Variants in PDE3A observed in about 807,000 individuals in gnomAD.
PDE3A encodes the protein cGMP-inhibited 3',5'-cyclic phosphodiesterase 3A.
PDE3A carries 43 observed loss-of-function variants against 98.3 expected under a neutral mutation model. The observed-to-expected ratio is 0.44, with a 90% CI of 0.34 to 0.56. The LOEUF (loss-of-function observed/expected upper bound fraction) is 0.56, where lower values mean the gene tolerates loss of function less well. Among genes scored for constraint, PDE3A ranks in the 20% least tolerant of loss-of-function variants. The pLI is 0.01. For synonymous variants in PDE3A, 663 were observed against 567.9 expected, an observed-to-expected ratio of 1.17 and a Z score of -2.38; for missense variants, 1,427 against 1,440.7, an observed-to-expected ratio of 0.99 and a Z score of 0.15.
intron 1 of PDE3A, among the ~76,000 whole-genome samples, chr12:20,530,625 G>A (rs751775738): frequency 4.0e-5 from 6 of 151,652 alleles, no homozygotes; most frequent in Non-Finnish European, 8.8e-5. Flanking sequence ...ATGCCATCAC[G>A]CCTAGCTTAA....
At chr12:20,398,638 T>C (rs1944065002) in intron 1 of PDE3A, among the ~76,000 whole-genome samples, 1 of 152,102 alleles carries the variant, frequency 6.6e-6, no homozygotes, top group African/African-American at 2.4e-5. Flanking sequence ...TGCAGGATGA[T>C]TCTGAAATAT....
intron 1 of PDE3A, among the ~76,000 whole-genome samples, chr12:20,540,336 A>C (rs2121216416): frequency 6.6e-6 from 1 of 152,292 alleles, no homozygotes; most frequent in South Asian, 2.1e-4. Flanking sequence ...TAGTTAGAAT[A>C]ACAATAGCTT....
intron 1 of PDE3A, among the ~76,000 whole-genome samples, chr12:20,549,868 A>C (rs537913569): frequency 2.8e-5 from 4 of 141,132 alleles, no homozygotes; most frequent in Admixed American, 2.7e-4. Context: ...TATGCTTTAA[A>C]AGAAAAAGTC....
intron 2 of PDE3A, among the ~76,000 whole-genome samples, chr12:20,576,194 G>A (rs1204218701): frequency 6.6e-6 from 1 of 151,836 alleles, no homozygotes; most frequent in Non-Finnish European, 1.5e-5. Flanking sequence ...TTATTAATTT[G>A]CATTTTTATT....
chr12:20,386,425 G>T (rs1369832700), intron 1 of PDE3A, among the ~76,000 whole-genome samples: 1 of 150,742 alleles, frequency 6.6e-6, no homozygotes, highest in African/African-American at 2.4e-5. Flanking sequence ...CCACATAAAT[G>T]TCTTCTTTTG....
At chr12:20,668,003 A>C (rs1945363711) in intron 15 of PDE3A, among the ~76,000 whole-genome samples, 1 of 152,278 alleles carries the variant, frequency 6.6e-6, no homozygotes, top group South Asian at 2.1e-4. Flanking sequence ...ACCGTGCGCG[A>C]GCCAAAGCAG....
chr12:20,391,774 C>G (rs994564508), intron 1 of PDE3A, among the ~76,000 whole-genome samples: 3 of 151,754 alleles, frequency 2.0e-5, no homozygotes, highest in Non-Finnish European at 4.4e-5. Flanking sequence ...TTTTGTTCTC[C>G]CCTTTTCCCC....
At chr12:20,615,016 C>CTTTTTTTTTTTTTTTTTTTTT (rs11313010) in intron 3 of PDE3A, among the ~76,000 whole-genome samples, 1 of 59,128 alleles carries the variant, frequency 1.7e-5, no homozygotes, top group Non-Finnish European at 3.1e-5. Flanking sequence ...TTCTCTCTTT[C>CTTTTTTTTTTTTTTTTTTTTT]TTTTTTTTTT....
intron 1 of PDE3A, among the ~76,000 whole-genome samples, chr12:20,443,821 C>G (rs1053487096): frequency 6.6e-6 from 1 of 152,170 alleles, no homozygotes; most frequent in African/African-American, 2.4e-5. Flanking sequence ...CATCATTACT[C>G]TGCCTCTCAG....
chr12:20,369,832 A>G lies in PDE3A; in HGVS notation c.548A>G (p.Asp183Gly), dbSNP rs747889090. 4 of 1,611,122 alleles carry G rather than the reference A, an allele frequency of 2.5e-6. No homozygotes were observed. The East Asian group carries it at 8.9e-5, about 36-fold the overall frequency. ...LVQIGLGVGE[D>G]HLLSLPAAGV... The stretch of plus-strand genomic sequence containing the variant: ...CAGATTGGGCTGGGCGTCGGGGAGG[A>G]TCACTTACTCTCACTCCCCGCCGCG... Residue 183 changes from aspartate (D) to glycine (G), a missense_variant, in exon 1 of 16, where the codon GAT (aspartate) becomes GGT (glycine). This residue lies in a region of PDE3A where 1,012 missense variants were observed against 886.5 expected (regional missense o/e 1.14). Coordinates refer to ENST00000359062, the MANE Select transcript of PDE3A (RefSeq NM_000921.5).
rs144964448 is a variant in PDE3A at position 20,387,402 on chromosome 12, A to G, written c.960+17158A>G. Reference sequence around the variant, plus strand: ...TTCACAATATTGATTCTCCCTATCTATGAGCATAGAATGTTTTTCCATTTG... The same window carrying G: ...TTCACAATATTGATTCTCCCTATCTGTGAGCATAGAATGTTTTTCCATTTG... On this transcript the variant is annotated intron_variant, in intron 1 of 15. Coordinates refer to ENST00000359062, the MANE Select transcript of PDE3A (RefSeq NM_000921.5). 2.0e-4 allele frequency among the ~76,000 whole-genome samples: 31 copies of G among 152,162 alleles called. No homozygotes were observed. In the East Asian group the frequency reaches 5.2e-3, roughly 26 times the overall value.
chr12:20,462,033 A>G (rs905289665), intron 1 of PDE3A, among the ~76,000 whole-genome samples: 1 of 152,160 alleles, frequency 6.6e-6, no homozygotes, highest in Admixed American at 6.5e-5. Flanking sequence ...TGCTACTTAG[A>G]TGTAGATAGA....
intron 1 of PDE3A, among the ~76,000 whole-genome samples, chr12:20,545,932 T>A (rs903692191): frequency 2.8e-4 from 43 of 152,014 alleles, no homozygotes; most frequent in Non-Finnish European, 2.9e-4. Context: ...GTCAGTGAAA[T>A]CAACATCACT....
intron 1 of PDE3A, among the ~76,000 whole-genome samples, chr12:20,504,031 G>T (rs7134968): frequency 6.6e-6 from 1 of 151,928 alleles, no homozygotes; most frequent in Non-Finnish European, 1.5e-5. Context: ...AGGACTTCAC[G>T]TTGCATTCAT....
chr12:20,401,421 A>G (rs1038056992), intron 1 of PDE3A, among the ~76,000 whole-genome samples: 2 of 152,098 alleles, frequency 1.3e-5, no homozygotes, highest in African/African-American at 4.8e-5. Flanking sequence ...GACCCTCTCT[A>G]ATCTACCCTT....
intron 1 of PDE3A, among the ~76,000 whole-genome samples, chr12:20,470,891 G>A (rs549947229): frequency 5.3e-5 from 8 of 152,002 alleles, no homozygotes; most frequent in African/African-American, 1.9e-4. Flanking sequence ...CCCTCGTAAT[G>A]GGATTAGTGT....
At position 20,686,898 on chromosome 12, in the gene PDE3A, G is replaced by T. The variant is rs1031293657; in HGVS notation, c.*6627G>T. Reference sequence around the variant, plus strand: ...GTGAACACTACATAAAATTTGCAGGGTATCCCAGGACACCCCTCAGTCTTT... The same window carrying T: ...GTGAACACTACATAAAATTTGCAGGTTATCCCAGGACACCCCTCAGTCTTT... On this transcript the variant is annotated 3_prime_UTR_variant, in exon 16 of 16. Transcript: ENST00000359062. Among the ~76,000 whole-genome samples the T allele has an allele frequency of 6.6e-6, 1 of 152,062 alleles. No individual in the cohort carries two copies.
intron 1 of PDE3A, among the ~76,000 whole-genome samples, chr12:20,408,165 C>T (rs970156017): frequency 2.0e-5 from 3 of 152,188 alleles, no homozygotes; most frequent in Non-Finnish European, 2.9e-5. Context: ...GTGATCCACC[C>T]GCTTCAGCCC....
Position 20,552,607 on chromosome 12 carries a change from G to A in PDE3A, c.961-4053G>A. On this transcript the variant is annotated intron_variant, in intron 1 of 15. Transcript: ENST00000359062. The surrounding 1 kb of genome is among the most constrained non-coding windows in gnomAD (Gnocchi z 5.1). ...GGCAGGAGGTGGCCCGAGCAGGGCC[G>A]GGTCCCCGCGCCGGACATCCAAGAA... 3 of 1,613,676 alleles carry A rather than the reference G, an allele frequency of 1.9e-6. No homozygotes were observed. The highest frequency in any genetic ancestry group is 1.7e-6 in the Non-Finnish European group (2 of 1,179,768).
Sources: gnomAD v4.1 joint callset for allele counts (sites outside exome capture counted in the v4.1 genomes callset) on GRCh38, gnomAD v4.1.1 for gene constraint, gnomAD v4.1.1 regional missense constraint, Gnocchi (gnomAD v3.1) non-coding constraint, MANE v1.5 for transcripts, NCBI Gene and HGNC (gene_info 2026-07-23, HGNC 2026-07-21) for gene names.